SLC4A5: variants seen among roughly 807,000 people sequenced by gnomAD.
SLC4A5 encodes the protein electrogenic sodium bicarbonate cotransporter 4.
Under a neutral mutation model 120.4 loss-of-function variants are expected in SLC4A5, and 96 were observed. The ratio of observed to expected loss-of-function variants is 0.80; its 90% CI spans 0.68 to 0.94. SLC4A5 has a LOEUF of 0.94. Among genes scored for constraint, SLC4A5 ranks in the 40% least tolerant of loss-of-function variants. SLC4A5 has a pLI of 0.00. For synonymous variants in SLC4A5, 550 were observed against 571.1 expected, an observed-to-expected ratio of 0.96 and a Z score of 0.53; for missense variants, 1,259 against 1,459.5, an observed-to-expected ratio of 0.86 and a Z score of 2.24.
At chr2:74,336,933 G>A (rs1159315348) in intron 3 of SLC4A5, among the ~76,000 whole-genome samples, 1 of 152,160 alleles carries the variant, frequency 6.6e-6, no homozygotes, top group African/African-American at 2.4e-5. Context: ...AAGAGGTAAG[G>A]AGCCTCTTTC....
chr2:74,250,355 G>T (rs371229218), exon 17 of SLC4A5: 1 of 1,613,982 alleles, frequency 6.2e-7, no homozygotes, highest in South Asian at 1.1e-5. Flanking sequence ...GATAATTGTC[G>T]GTGGCATCCC....
chr2:74,256,934 T>C (rs1369084642), intron 12 of SLC4A5, among the ~76,000 whole-genome samples: 1 of 152,106 alleles, frequency 6.6e-6, no homozygotes, highest in Non-Finnish European at 1.5e-5. Context: ...AGAGGACAGC[T>C]CTGAAGAGAG....
Position 74,242,251 on chromosome 2 carries a change from C to T in SLC4A5, c.2060-199G>A, listed in dbSNP as rs540738290. Among the ~76,000 whole-genome samples the T allele has an allele frequency of 2.6e-5, 4 of 152,330 alleles. No individual in the cohort carries two copies. The South Asian group carries it at 8.3e-4, about 32-fold the overall frequency. ...GACAGAGCCTGGGCCACAGCTCTGA[C>T]AGACCAGCTGGGCCAGGACAGCACC... On this transcript the variant is annotated intron_variant, in intron 19 of 30. Transcript: ENST00000394019.
At chr2:74,296,492 G>A (rs1023893003) in intron 7 of SLC4A5, among the ~76,000 whole-genome samples, 2 of 151,940 alleles carry the variant, frequency 1.3e-5, no homozygotes, top group East Asian at 1.9e-4. Flanking sequence ...GCCAGGCACT[G>A]TGGCTCACGT....
At chr2:74,276,922 G>A (rs1373686853) in intron 8 of SLC4A5, among the ~76,000 whole-genome samples, 2 of 152,030 alleles carry the variant, frequency 1.3e-5, no homozygotes. Flanking sequence ...ACAAGCAGAA[G>A]AAGCTGGTTG....
chr2:74,221,524 C>CAGATG (rs1462887952), intron 29 of SLC4A5, 23 bp from the exon 30 acceptor site: 2 of 1,613,322 alleles, frequency 1.2e-6, no homozygotes, highest in South Asian at 2.2e-5. Flanking sequence ...TGAAAAATGT[C>CAGATG]AGATGTGGAG....
chr2:74,225,421 C>T (rs1478404871), intron 27 of SLC4A5, among the ~76,000 whole-genome samples: 2 of 152,116 alleles, frequency 1.3e-5, no homozygotes, highest in Non-Finnish European at 2.9e-5. Context: ...CATGGTGAAA[C>T]CCTGTCCCTA....
chr2:74,259,242 T>C (rs1000857096), intron 12 of SLC4A5, among the ~76,000 whole-genome samples: 2 of 152,156 alleles, frequency 1.3e-5, no homozygotes, highest in Non-Finnish European at 2.9e-5. Flanking sequence ...CCCTATCCCA[T>C]CTTTAAAGGT....
intron 12 of SLC4A5, 119 bp downstream of exon 12, chr2:74,259,469 T>C (rs942421505): frequency 8.5e-7 from 1 of 1,179,994 alleles, no homozygotes; most frequent in African/African-American, 1.5e-5. Context: ...GGGATCTTCC[T>C]GGAACTCCCA....
At chr2:74,262,907 C>T (rs1178929963) in intron 10 of SLC4A5, among the ~76,000 whole-genome samples, 1 of 152,102 alleles carries the variant, frequency 6.6e-6, no homozygotes, top group African/African-American at 2.4e-5. Flanking sequence ...AAGAACCGTA[C>T]CTACACGCCA....
intron 6 of SLC4A5, among the ~76,000 whole-genome samples, chr2:74,305,545 T>C (rs1201599801): frequency 6.6e-6 from 1 of 152,164 alleles, no homozygotes; most frequent in Non-Finnish European, 1.5e-5. Context: ...TTATTAACTA[T>C]ATAGTTTACA....
intron 2 of SLC4A5, among the ~76,000 whole-genome samples, chr2:74,340,033 G>A (rs548872039): frequency 1.3e-5 from 2 of 152,290 alleles, no homozygotes; most frequent in Admixed American, 6.5e-5. Context: ...CAGGGCCTGG[G>A]GCAGTGAGAA....
chr2:74,224,850 C>G, exon 28 of SLC4A5: 1 of 1,611,048 alleles, frequency 6.2e-7, no homozygotes, highest in Non-Finnish European at 8.5e-7. Context: ...CTCCTCATCA[C>G]AGTCCTCGTG....
chr2:74,297,065 CT>C (rs771119738), intron 7 of SLC4A5, among the ~76,000 whole-genome samples: 7 of 152,108 alleles, frequency 4.6e-5, no homozygotes, highest in Non-Finnish European at 7.4e-5. Flanking sequence ...GATCCCAGCG[CT>C]GCTCAATACC....
intron 4 of SLC4A5, among the ~76,000 whole-genome samples, chr2:74,332,817 C>T (rs1673394426): frequency 6.6e-6 from 1 of 152,036 alleles, no homozygotes; most frequent in Non-Finnish European, 1.5e-5. Context: ...CCAACCTCAT[C>T]CCTGCCCTTC....
rs555733808 is a variant in SLC4A5 at position 74,335,424 on chromosome 2, C to T, written c.-220-1247G>A. Among the ~76,000 whole-genome samples the T allele has an allele frequency of 2.2e-3, 340 of 152,302 alleles. 3 individuals carry two copies. Among genetic ancestry groups the T allele is most frequent in the Middle Eastern group, 0.02 (6 of 294 alleles). Reference sequence around the variant, plus strand: ...GACCCAGAAACAGCATGCAGCCAAGCAAGGGCTGGCCCCTTCCTTCCCCTC... The same window carrying T: ...GACCCAGAAACAGCATGCAGCCAAGTAAGGGCTGGCCCCTTCCTTCCCCTC... On this transcript the variant is annotated intron_variant, in intron 3 of 30. Transcript: ENST00000394019.
chr2:74,313,205 G>A (rs1464340500), intron 6 of SLC4A5, among the ~76,000 whole-genome samples: 1 of 151,892 alleles, frequency 6.6e-6, no homozygotes, highest in Non-Finnish European at 1.5e-5. Flanking sequence ...TTTTAACTGA[G>A]CACTTTATAT....
chr2:74,230,744 C>T (rs562520067), intron 25 of SLC4A5, among the ~76,000 whole-genome samples: 5 of 152,162 alleles, frequency 3.3e-5, no homozygotes, highest in Non-Finnish European at 7.4e-5. Flanking sequence ...TCACAGAAAA[C>T]GGCGGTGACA....
At chr2:74,269,661 C>T (rs1458436627) in intron 8 of SLC4A5, among the ~76,000 whole-genome samples, 1 of 152,046 alleles carries the variant, frequency 6.6e-6, no homozygotes, top group East Asian at 1.9e-4. Flanking sequence ...TGTCACCCTG[C>T]TCCCAAAGAC....
Sources: gnomAD v4.1 joint callset for allele counts (sites outside exome capture counted in the v4.1 genomes callset) on GRCh38, gnomAD v4.1.1 for gene constraint, MANE v1.5 for transcripts, NCBI Gene and HGNC (gene_info 2026-07-23, HGNC 2026-07-21) for gene names.